FNDC3B: variants seen among roughly 807,000 people sequenced by gnomAD.
FNDC3B encodes fibronectin type III domain-containing protein 3B.
FNDC3B carries 12 observed loss-of-function variants against 151.5 expected under a neutral mutation model. The ratio of observed to expected loss-of-function variants is 0.08; its 90% CI spans 0.05 to 0.13. The LOEUF is 0.13. Ranked by LOEUF, FNDC3B falls within the 10% of genes least tolerant of loss-of-function variation. The pLI is 1.00. For synonymous variants in FNDC3B, 528 were observed against 549.0 expected, an observed-to-expected ratio of 0.96 and a Z score of 0.54; for missense variants, 1,214 against 1,505.3, an observed-to-expected ratio of 0.81 and a Z score of 3.20.
At chr3:172,318,514 G>T (rs957582898) in intron 11 of FNDC3B, among the ~76,000 whole-genome samples, 1 of 152,206 alleles carries the variant, frequency 6.6e-6, no homozygotes, top group East Asian at 1.9e-4. Context: ...GAGTGAATTT[G>T]CACAAACCTT....
intron 3 of FNDC3B, among the ~76,000 whole-genome samples, chr3:172,161,942 G>A (rs1722793846): frequency 6.6e-6 from 1 of 151,042 alleles, no homozygotes; most frequent in Admixed American, 6.6e-5. Context: ...GAATCATATA[G>A]TATGTGGTAT....
intron 3 of FNDC3B, among the ~76,000 whole-genome samples, chr3:172,154,812 T>A (rs1722404958): frequency 6.6e-6 from 1 of 152,088 alleles, no homozygotes; most frequent in African/African-American, 2.4e-5. Flanking sequence ...AATAAAAGTT[T>A]TATAACTTTA....
At chr3:172,174,944 C>CCACCCCCCCCCCCG (rs1553769248) in intron 3 of FNDC3B, among the ~76,000 whole-genome samples, 2 of 50,654 alleles carry the variant, frequency 3.9e-5, no homozygotes, top group African/African-American at 5.2e-5. Context: ...CCCCCCCCCC[C>CCACCCCCCCCCCCG]CCAATACAAT....
At chr3:172,311,884 A>G (rs530304805) in intron 11 of FNDC3B, among the ~76,000 whole-genome samples, 3 of 124,298 alleles carry the variant, frequency 2.4e-5, no homozygotes, top group South Asian at 4.4e-4. Flanking sequence ...TCTCAAAAAG[A>G]AAAAAAAAAA....
Position 172,361,206 on chromosome 3 carries a change from C to G in FNDC3B, c.2796-1427C>G, listed in dbSNP as rs78383470. ...CTCCCTTTTAATCCTGCTAATCTCT[C>G]TAGCAAGTGGTTGCTCTACAGACTG... On this transcript the variant is annotated intron_variant, in intron 22 of 25. Coordinates refer to ENST00000415807, the MANE Select transcript of FNDC3B (RefSeq NM_022763.4). Among the ~76,000 whole-genome samples, 118 of 152,352 alleles carry G rather than the reference C, an allele frequency of 7.7e-4. 1 individual carries two copies. The highest frequency in any genetic ancestry group is 2.5e-3 in the African/African-American group (105 of 41,582).
chr3:172,342,896 G>A (rs567788646), intron 17 of FNDC3B, 115 bp from the exon 18 acceptor site: 4 of 661,362 alleles, frequency 6.0e-6, no homozygotes, highest in East Asian at 5.3e-5. Context: ...CACATTTAGT[G>A]TGTAACCCCT....
At chr3:172,213,435 G>A (rs941653235) in intron 3 of FNDC3B, among the ~76,000 whole-genome samples, 3 of 152,184 alleles carry the variant, frequency 2.0e-5, no homozygotes, top group Non-Finnish European at 2.9e-5. Flanking sequence ...ATAGAGATAA[G>A]GTGATGAAGA....
chr3:172,217,973 G>T (rs545562766), intron 3 of FNDC3B, among the ~76,000 whole-genome samples: 1 of 152,154 alleles, frequency 6.6e-6, no homozygotes, highest in African/African-American at 2.4e-5. Flanking sequence ...CTCAGTTTTG[G>T]TTCTTGGTAG....
At chr3:172,061,528 A>G (rs1717199671) in intron 1 of FNDC3B, among the ~76,000 whole-genome samples, 1 of 152,122 alleles carries the variant, frequency 6.6e-6, no homozygotes, top group Non-Finnish European at 1.5e-5. Flanking sequence ...CACCACACCC[A>G]GCCTACTTTT....
rs1732597769 is a variant in FNDC3B, at chr3:172,330,625, C to T, written c.1464C>T (p.Ile488=). 6.2e-7 allele frequency: 1 copy of T among 1,614,178 alleles called. No homozygotes were observed. The highest frequency in any genetic ancestry group is 8.5e-7 in the Non-Finnish European group (1 of 1,180,000). ...PSAPRLVRAG[I]TWVTLQWSKP... ...CACCAAGGCTGGTTCGAGCTGGCAT[C>T]ACATGGGTCACGTTGCAGTGGAGTA... The change falls in exon 13 of 26, where the codon ATC becomes ATT. Residue 488 remains isoleucine (I), a synonymous_variant. Coordinates refer to ENST00000415807, the MANE Select transcript of FNDC3B (RefSeq NM_022763.4).
At chr3:172,369,558 A>T (rs1734783601) in intron 23 of FNDC3B, among the ~76,000 whole-genome samples, 2 of 152,164 alleles carry the variant, frequency 1.3e-5, no homozygotes. Flanking sequence ...AAAGGAGCAT[A>T]AAAAAATTCC....
intron 4 of FNDC3B, among the ~76,000 whole-genome samples, chr3:172,232,486 CTG>C (rs1218589354): frequency 1.3e-5 from 2 of 152,166 alleles, no homozygotes; most frequent in African/African-American, 4.8e-5. Context: ...TTACAGATAA[CTG>C]TGGACTTAGG....
intron 11 of FNDC3B, among the ~76,000 whole-genome samples, chr3:172,311,750 C>T (rs1225282182): frequency 1.5e-4 from 22 of 149,438 alleles, no homozygotes; most frequent in South Asian, 4.2e-4. Flanking sequence ...TAGTGGCGGG[C>T]GCCTGTAGTC....
intron 3 of FNDC3B, among the ~76,000 whole-genome samples, chr3:172,173,656 T>C (rs952333114): frequency 6.6e-6 from 1 of 150,532 alleles, no homozygotes; most frequent in African/African-American, 2.4e-5. Flanking sequence ...ATTAAAAAAA[T>C]TAAAAATAAA....
intron 3 of FNDC3B, among the ~76,000 whole-genome samples, chr3:172,134,010 A>G (rs1721239101): frequency 6.6e-6 from 1 of 152,166 alleles, no homozygotes. Flanking sequence ...GAATACCAAG[A>G]GGCAGGTCAT....
chr3:172,229,640 G>A (rs1439740242), intron 4 of FNDC3B, among the ~76,000 whole-genome samples: 2 of 152,102 alleles, frequency 1.3e-5, no homozygotes, highest in African/African-American at 2.4e-5. Flanking sequence ...AACTCATATT[G>A]CCTCATGGGG....
At chr3:172,143,447 A>G (rs1721729121) in intron 3 of FNDC3B, among the ~76,000 whole-genome samples, 2 of 152,210 alleles carry the variant, frequency 1.3e-5, no homozygotes, top group Non-Finnish European at 2.9e-5. Flanking sequence ...TTAAAGATAC[A>G]TCAACTTTTT....
At chr3:172,088,000 G>A (rs1289632436) in intron 1 of FNDC3B, among the ~76,000 whole-genome samples, 3 of 152,074 alleles carry the variant, frequency 2.0e-5, no homozygotes, top group Non-Finnish European at 4.4e-5. Context: ...TTTATCATTC[G>A]TCACCTCAGC....
chr3:172,072,778 G>A (rs915237190), intron 1 of FNDC3B, among the ~76,000 whole-genome samples: 2 of 152,178 alleles, frequency 1.3e-5, no homozygotes, highest in African/African-American at 4.8e-5. Flanking sequence ...ACAGCCTGAT[G>A]TTGACAGAGC....
Sources: allele counts gnomAD v4.1 joint callset (sites outside exome capture counted in the v4.1 genomes callset), GRCh38; gene constraint gnomAD v4.1.1; transcripts MANE v1.5; gene names NCBI Gene and HGNC (gene_info 2026-07-23, HGNC 2026-07-21).